Variants in RUNX2 observed in about 807,000 individuals in gnomAD.
The protein encoded by RUNX2 is RUNX family transcription factor 2, also known as runt-related transcription factor 2.
RUNX2 carries 10 observed loss-of-function variants against 51.7 expected under a neutral mutation model. That is an observed-to-expected ratio of 0.19 (90% CI 0.12 to 0.33). The LOEUF is 0.33. Among genes scored for constraint, RUNX2 ranks in the 10% least tolerant of loss-of-function variants. The pLI, the probability that RUNX2 is intolerant of heterozygous loss-of-function variation, is 1.00. For missense variants in RUNX2, 562 were observed against 691.3 expected (o/e 0.81, Z 2.10); for synonymous variants, 276 against 273.6 (o/e 1.01, Z -0.09).
rs577259159 is a variant in RUNX2 at position 45,525,428 on chromosome 6, G to A, written c.1021+13021G>A. ...TTCCATGACTCAAGCATGTAGAGTG[G>A]TAATTAAACATTCATAGCATCGTTG... is the stretch of plus-strand genomic sequence containing the variant. On this transcript the variant is annotated intron_variant, in intron 7 of 8. Coordinates refer to ENST00000647337, the MANE Select transcript of RUNX2 (RefSeq NM_001024630.4). Among the ~76,000 whole-genome samples the A allele has an allele frequency of 5.3e-5, 8 of 152,328 alleles. No individual in the cohort carries two copies. The South Asian group carries it at 1.7e-3, about 32-fold the overall frequency.
At chr6:45,378,668 T>C (rs1194556955) in intron 2 of RUNX2, among the ~76,000 whole-genome samples, 3 of 152,136 alleles carry the variant, frequency 2.0e-5, no homozygotes, top group Admixed American at 6.5e-5. Flanking sequence ...AGGCTTTTTT[T>C]TTTTTTTGGA....
chr6:45,525,844 A>G (rs1457306897), intron 7 of RUNX2, among the ~76,000 whole-genome samples: 4 of 151,902 alleles, frequency 2.6e-5, no homozygotes, highest in African/African-American at 9.7e-5. Context: ...AAAATACAAA[A>G]ATTAGCTGGG....
At chr6:45,407,074 C>T (rs1174727111) in intron 2 of RUNX2, among the ~76,000 whole-genome samples, 2 of 152,154 alleles carry the variant, frequency 1.3e-5, no homozygotes, top group African/African-American at 2.4e-5. Context: ...CAGAGGTAAA[C>T]ACAATCTTGA....
In RUNX2 at chr6:45,547,433, G is replaced by T. The variant is rs974138236; in HGVS notation, c.*128G>T. On this transcript the variant is annotated 3_prime_UTR_variant, in exon 9 of 9. Coordinates refer to ENST00000647337, the MANE Select transcript of RUNX2 (RefSeq NM_001024630.4). ...TCTACAAAGTGCCTATTTTTTAGAA[G>T]ATTTTTCATTCACTCACTCAGTCAT... 1.2e-6 allele frequency: 1 copy of T among 809,468 alleles called. No individual in the cohort carries two copies. The highest frequency in any genetic ancestry group is 2.1e-6 in the Non-Finnish European group (1 of 479,484). The allele number at this position is 809,468 out of a possible 1,614,324, so 50.1% of individuals were successfully genotyped here. A position where few individuals can be genotyped will look rare whatever the true frequency, so the allele number is the denominator to read the frequency against.
chr6:45,527,497 TAG>T (rs1406086323), intron 7 of RUNX2, among the ~76,000 whole-genome samples: 2 of 151,924 alleles, frequency 1.3e-5, no homozygotes, highest in Non-Finnish European at 2.9e-5. Context: ...GACACTGGAG[TAG>T]AGAGAGAATT....
intron 2 of RUNX2, among the ~76,000 whole-genome samples, chr6:45,416,201 A>C (rs1172926425): frequency 6.6e-6 from 1 of 152,220 alleles, no homozygotes; most frequent in Non-Finnish European, 1.5e-5. Flanking sequence ...TTGAACTCTT[A>C]CTATTCTATT....
intron 2 of RUNX2, among the ~76,000 whole-genome samples, chr6:45,379,459 T>C (rs867417145): frequency 6.6e-6 from 1 of 152,220 alleles, no homozygotes; most frequent in East Asian, 1.9e-4. Context: ...AATGTTATCA[T>C]AGAAGTTCCT....
intron 2 of RUNX2, among the ~76,000 whole-genome samples, chr6:45,339,566 A>G (rs1789330055): frequency 6.6e-6 from 1 of 152,192 alleles, no homozygotes; most frequent in Non-Finnish European, 1.5e-5. Context: ...AATATTAATA[A>G]GAAAAATAAA....
At chr6:45,480,965 C>A (rs1311146288) in intron 5 of RUNX2, among the ~76,000 whole-genome samples, 1 of 152,146 alleles carries the variant, frequency 6.6e-6, no homozygotes, top group Non-Finnish European at 1.5e-5. Flanking sequence ...CATTTTCTTC[C>A]TGTTACAGAA....
At chr6:45,541,440 CA>C (rs748762918) in intron 7 of RUNX2, among the ~76,000 whole-genome samples, 1 of 152,108 alleles carries the variant, frequency 6.6e-6, no homozygotes, top group African/African-American at 2.4e-5. Flanking sequence ...TCTTGGTTAC[CA>C]GGGGAGAGCA....
chr6:45,527,959 T>C (rs1034120772), intron 7 of RUNX2, among the ~76,000 whole-genome samples: 2 of 152,010 alleles, frequency 1.3e-5, no homozygotes, highest in African/African-American at 4.8e-5. Context: ...GAAAGATGGG[T>C]TTAATGGACT....
intron 3 of RUNX2, 77 bp from the exon 4 acceptor site, chr6:45,431,786 T>C: frequency 6.6e-7 from 1 of 1,506,730 alleles, no homozygotes; most frequent in African/African-American, 1.4e-5. Context: ...AGACACATCA[T>C]TTGCAATGAG....
chr6:45,536,893 G>T (rs1802053752), intron 7 of RUNX2, among the ~76,000 whole-genome samples: 2 of 152,294 alleles, frequency 1.3e-5, no homozygotes, highest in South Asian at 4.1e-4. Context: ...GAAGAGTTTG[G>T]CTGGACCTGC....
intron 2 of RUNX2, among the ~76,000 whole-genome samples, chr6:45,414,687 C>A (rs973161491): frequency 2.7e-5 from 4 of 147,510 alleles, no homozygotes; most frequent in Admixed American, 1.4e-4. Context: ...CCCTTTCTTT[C>A]CTTGGTGGTA....
At chr6:45,472,390 C>T (rs1799829539) in intron 5 of RUNX2, among the ~76,000 whole-genome samples, 1 of 152,098 alleles carries the variant, frequency 6.6e-6, no homozygotes, top group Non-Finnish European at 1.5e-5. Context: ...AATTACATTC[C>T]CCTCTCCCCC....
intron 7 of RUNX2, among the ~76,000 whole-genome samples, chr6:45,525,175 G>C (rs1306121147): frequency 6.6e-6 from 1 of 152,210 alleles, no homozygotes; most frequent in Non-Finnish European, 1.5e-5. Context: ...CCTCAGAGCA[G>C]TTAACAAAGA....
intron 3 of RUNX2, among the ~76,000 whole-genome samples, chr6:45,426,594 A>T (rs1475749689): frequency 6.6e-6 from 1 of 152,258 alleles, no homozygotes; most frequent in African/African-American, 2.4e-5. Flanking sequence ...TTTAAAACTA[A>T]AAGTAGTTCA....
At chr6:45,495,374 A>T (rs1173493582) in intron 6 of RUNX2, among the ~76,000 whole-genome samples, 2 of 152,252 alleles carry the variant, frequency 1.3e-5, no homozygotes, top group Non-Finnish European at 2.9e-5. Context: ...CTGTCCCAGG[A>T]TGTCATTGTT....
rs1162246472 is a variant in RUNX2, at chr6:45,550,718, A to G, written c.*3413A>G. The G allele has an allele frequency of 6.5e-6, 1 of 152,704 alleles. No individual in the cohort carries two copies. The highest frequency in any genetic ancestry group is 2.4e-5 in the African/African-American group (1 of 41,480). The allele number at this position is 152,704 out of a possible 1,614,324, so 9.5% of individuals were successfully genotyped here. On this transcript the variant is annotated 3_prime_UTR_variant, in exon 9 of 9. Transcript: ENST00000647337. ...GCAGTACTTTGAAATATATCAGCCA[A>G]AACCATAACTTACAATAATTTCTTA...
Sources: gnomAD v4.1 joint callset for allele counts (sites outside exome capture counted in the v4.1 genomes callset) on GRCh38, gnomAD v4.1.1 for gene constraint, MANE v1.5 for transcripts, NCBI Gene and HGNC (gene_info 2026-07-23, HGNC 2026-07-21) for gene names.